Variants in LARGE1 observed in about 807,000 individuals in gnomAD.
The protein encoded by LARGE1 is xylosyl- and glucuronyltransferase LARGE1.
In LARGE1, 43 loss-of-function variants were observed where a neutral mutation model predicts 87.6. The ratio of observed to expected loss-of-function variants is 0.49; its 90% CI spans 0.38 to 0.63. The LOEUF (loss-of-function observed/expected upper bound fraction) is 0.63, where lower values mean the gene tolerates loss of function less well. Among genes scored for constraint, LARGE1 ranks in the 30% least tolerant of loss-of-function variants. The pLI, the probability that LARGE1 is intolerant of heterozygous loss-of-function variation, is 0.00. For synonymous variants in LARGE1, 434 were observed against 394.6 expected (o/e 1.10, Z -1.18); for missense variants, 802 against 1,000.2 (o/e 0.80, Z 2.67).
chr22:33,457,880 T>C (rs2068205003), intron 6 of LARGE1, among the ~76,000 whole-genome samples: 1 of 152,066 alleles, frequency 6.6e-6, no homozygotes, highest in South Asian at 2.1e-4. Flanking sequence ...TGTGTGTGTA[T>C]ATGGAAAACG....
chr22:33,861,915 G>A (rs1190105106), intron 1 of LARGE1, among the ~76,000 whole-genome samples: 3 of 149,126 alleles, frequency 2.0e-5, no homozygotes, highest in Non-Finnish European at 3.0e-5. Flanking sequence ...CCAGGCTGGA[G>A]TGGCATGATC....
intron 2 of LARGE1, among the ~76,000 whole-genome samples, chr22:33,728,211 C>G (rs554235573): frequency 6.6e-6 from 1 of 152,188 alleles, no homozygotes; most frequent in South Asian, 2.1e-4. Context: ...GGCTATTCCT[C>G]CAGCCTACAG....
At chr22:33,419,962 G>A (rs901666384) in intron 7 of LARGE1, among the ~76,000 whole-genome samples, 1 of 152,116 alleles carries the variant, frequency 6.6e-6, no homozygotes, top group Admixed American at 6.5e-5. Flanking sequence ...CCAAAGTGCT[G>A]AGATTATAGG....
chr22:33,070,848 A>G, the LARGE1 span, among the ~76,000 whole-genome samples: 1 of 152,176 alleles, frequency 6.6e-6, no homozygotes, highest in Admixed American at 6.5e-5. Context: ...AGCATGAGCA[A>G]AGGCTCGAAA....
At chr22:33,753,913 A>T (rs57545475) in intron 2 of LARGE1, among the ~76,000 whole-genome samples, 43,676 of 151,860 alleles carry the variant, frequency 0.29, 7,979 homozygotes, top group African/African-American at 0.53. Context: ...AACAAAAAAA[A>T]TAACTGGGCA....
chr22:33,587,875 A>T (rs1246550937), intron 5 of LARGE1, among the ~76,000 whole-genome samples: 3 of 152,122 alleles, frequency 2.0e-5, no homozygotes, highest in East Asian at 3.9e-4. Context: ...TTATTTTTTT[A>T]ATCTGGTGAT....
At chr22:33,084,750 T>C in the LARGE1 span, among the ~76,000 whole-genome samples, 1 of 152,166 alleles carries the variant, frequency 6.6e-6, no homozygotes, top group Non-Finnish European at 1.5e-5. Context: ...AAGAAACAGA[T>C]GAAATTAATG....
At chr22:33,560,384 GCCC>G (rs1447228786) in intron 6 of LARGE1, among the ~76,000 whole-genome samples, 1 of 152,182 alleles carries the variant, frequency 6.6e-6, no homozygotes, top group Non-Finnish European at 1.5e-5. Flanking sequence ...GGAAGGCAGT[GCCC>G]ATGTACGCTG....
chr22:33,535,443 TGA>T (rs764414331), intron 6 of LARGE1, among the ~76,000 whole-genome samples: 5 of 151,544 alleles, frequency 3.3e-5, no homozygotes, highest in Non-Finnish European at 5.9e-5. Context: ...CTTGGGAGGC[TGA>T]GACAGGAGAA....
intron 5 of LARGE1, among the ~76,000 whole-genome samples, chr22:33,575,904 T>C (rs908799388): frequency 6.6e-6 from 1 of 152,186 alleles, no homozygotes; most frequent in African/African-American, 2.4e-5. Context: ...CTTGAGGGGA[T>C]TGGTCACTGG....
At chr22:33,792,326 A>C (rs1053396560) in intron 1 of LARGE1, among the ~76,000 whole-genome samples, 1 of 152,176 alleles carries the variant, frequency 6.6e-6, no homozygotes, top group African/African-American at 2.4e-5. Flanking sequence ...TGATGGTTTT[A>C]TAAGTGTCTG....
At chr22:33,201,719 G>T (rs1186261429) in intron 11 of LARGE1, among the ~76,000 whole-genome samples, 1 of 152,214 alleles carries the variant, frequency 6.6e-6, no homozygotes, top group Non-Finnish European at 1.5e-5. Context: ...TCAGAGAAGT[G>T]ATAAGGGCCA....
At chr22:33,449,171 A>T (rs561878060) in intron 6 of LARGE1, among the ~76,000 whole-genome samples, 2 of 152,296 alleles carry the variant, frequency 1.3e-5, no homozygotes, top group South Asian at 2.1e-4. Flanking sequence ...TCCGTAAGTT[A>T]AGCCTGAGAT....
At chr22:33,355,843 A>C (rs1039774574) in intron 9 of LARGE1, among the ~76,000 whole-genome samples, 3 of 152,208 alleles carry the variant, frequency 2.0e-5, no homozygotes, top group African/African-American at 7.2e-5. Flanking sequence ...GTATTTATGT[A>C]AGGAAGTGTG....
intron 6 of LARGE1, among the ~76,000 whole-genome samples, chr22:33,456,314 AATCTTCCACAGG>A (rs2068128959): frequency 2.0e-5 from 3 of 152,186 alleles, no homozygotes; most frequent in Non-Finnish European, 4.4e-5. Flanking sequence ...CTATACCGAG[AATCTTCCACAGG>A]ATCTAATGAC....
At chr22:33,722,124 G>GC (rs2083118009) in intron 2 of LARGE1, among the ~76,000 whole-genome samples, 1 of 151,986 alleles carries the variant, frequency 6.6e-6, no homozygotes. Flanking sequence ...GTGGTGGTGG[G>GC]CATCTGTAAT....
intron 5 of LARGE1, among the ~76,000 whole-genome samples, chr22:33,587,032 T>A (rs1261303600): frequency 6.6e-6 from 1 of 152,206 alleles, no homozygotes; most frequent in African/African-American, 2.4e-5. Context: ...TTTTGTGTCT[T>A]ATTTTAAACT....
intron 1 of LARGE1, among the ~76,000 whole-genome samples, chr22:33,796,243 A>G (rs1385868005): frequency 6.6e-6 from 1 of 152,242 alleles, no homozygotes; most frequent in East Asian, 1.9e-4. Flanking sequence ...CCATACACAT[A>G]CATACTCAAA....
At chr22:33,507,382 C>T (rs2070816867) in intron 6 of LARGE1, among the ~76,000 whole-genome samples, 1 of 152,034 alleles carries the variant, frequency 6.6e-6, no homozygotes, top group Admixed American at 6.5e-5. Context: ...AATTCTCATA[C>T]ATGCTACAAA....
Sources: gnomAD v4.1 joint callset for allele counts (sites outside exome capture counted in the v4.1 genomes callset) on GRCh38, gnomAD v4.1.1 for gene constraint, MANE v1.5 for transcripts, NCBI Gene and HGNC (gene_info 2026-07-23, HGNC 2026-07-21) for gene names.